The following NPC1L1 variants were observed in gnomAD, a reference collection of about 807,000 sequenced individuals.
NPC1L1 encodes the protein NPC1 like intracellular cholesterol transporter 1, also known as NPC1-like intracellular cholesterol transporter 1.
A neutral mutation model predicts 117.0 loss-of-function variants in NPC1L1; 98 were observed. The ratio of observed to expected loss-of-function variants is 0.84; its 90% CI spans 0.71 to 0.99. The LOEUF is 0.99. Ranked by LOEUF, NPC1L1 falls within the 50% of genes least tolerant of loss-of-function variation. The pLI, the probability that NPC1L1 is intolerant of heterozygous loss-of-function variation, is 0.00. For synonymous variants in NPC1L1, 729 were observed against 727.6 expected, an observed-to-expected ratio of 1.00 and a Z score of -0.03; for missense variants, 1,540 against 1,710.0, an observed-to-expected ratio of 0.90 and a Z score of 1.75.
rs901879052 is a variant in NPC1L1 at position 44,512,691 on chromosome 7, C to A, written c.*756G>T. The A allele has an allele frequency of 3.9e-5, 6 of 152,678 alleles. No homozygotes were observed. The highest frequency in any genetic ancestry group is 2.0e-4 in the Admixed American group (3 of 15,324). 9.5% of individuals were successfully genotyped at this position (152,678 alleles called of 1,614,324 possible). Reference sequence around the variant, plus strand: ...AGGCCCGAGGTGAAGATGGGAGGACCAGCCCAGCCCCAAGAGCTCCCAGCC... The same window carrying A: ...AGGCCCGAGGTGAAGATGGGAGGACAAGCCCAGCCCCAAGAGCTCCCAGCC... On this transcript the variant is annotated 3_prime_UTR_variant, in exon 19 of 19. Transcript: ENST00000381160.
Position 44,538,828 on chromosome 7 carries a change from C to A in NPC1L1, c.1569G>T (p.Leu523=). 2.5e-6 allele frequency: 4 copies of A among 1,614,174 alleles called. No individual in the cohort carries two copies. The highest frequency in any genetic ancestry group is 3.4e-6 in the Non-Finnish European group (4 of 1,180,030). ...CACCATGGACTCACTTGGCACAGTACAGAAAATGGTCCTTCCAGTCGACTT... is the reference window on the plus strand; with the variant it reads ...CACCATGGACTCACTTGGCACAGTAAAGAAAATGGTCCTTCCAGTCGACTT... The part of the protein sequence containing the change: ...TSQVDWKDHF[L]YCANAPLTFK... The change falls in exon 2 of 19, where the codon CTG becomes CTT. Residue 523 remains leucine, a synonymous_variant. Transcript: ENST00000381160. The surrounding 1 kb of genome is among the most constrained non-coding windows in gnomAD (Gnocchi z 5.9).
Position 44,515,808 on chromosome 7 carries a change from T to C in NPC1L1, c.3791A>G (p.Tyr1264Cys). Residue 1264 changes from tyrosine to cysteine, a missense_variant, in exon 18 of 19, where the codon TAC becomes TGC. Around this residue, in one of 3 missense-constraint regions of NPC1L1, gnomAD observed 742 missense variants for 873.6 expected, o/e 0.85. Transcript: ENST00000381160. ...GAACAGGCCTGGGCACTCACCCACG[T>C]AGCTGAGGATGACGGGCAGGAAGAC... ...GLVFLPVILS[Y>C]VGPDVNPALA... 5 of 1,614,116 alleles carry C rather than the reference T, an allele frequency of 3.1e-6. No homozygotes were observed. The highest frequency in any genetic ancestry group is 3.4e-6 in the Non-Finnish European group (4 of 1,180,014).
chr7:44,517,100 A>G, intron 15 of NPC1L1, 107 bp downstream of exon 15: 1 of 1,527,288 alleles, frequency 6.5e-7, no homozygotes, highest in East Asian at 2.2e-5. Flanking sequence ...CTCCTGACCT[A>G]AAACTGGTCC....
chr7:44,534,661 A>G lies in NPC1L1; in HGVS notation c.1984-32T>C, dbSNP rs1219042309. 6.2e-7 allele frequency: 1 copy of G among 1,611,414 alleles called. No individual in the cohort carries two copies. Among genetic ancestry groups the G allele is most frequent in the Non-Finnish European group, 8.5e-7 (1 of 1,179,028 alleles). The stretch of plus-strand genomic sequence containing the variant: ...TGCAAACAGGCTCAGCCCCCTAGCC[A>G]CTTAGCACCTACCCAGTATGCCCAC... On this transcript the variant is annotated intron_variant, in intron 5 of 18. Transcript: ENST00000381160. This position sits in a 1 kb window ranked among gnomAD's most constrained non-coding sequence, Gnocchi z 5.2.
intron 14 of NPC1L1, among the ~76,000 whole-genome samples, chr7:44,519,259 A>G (rs2117027106): frequency 6.6e-6 from 1 of 152,234 alleles, no homozygotes; most frequent in South Asian, 2.1e-4. Flanking sequence ...TCATTTTGGG[A>G]AGTGCTGCTC....
chr7:44,526,826 C>T (rs1405330611), intron 10 of NPC1L1, among the ~76,000 whole-genome samples: 1 of 151,834 alleles, frequency 6.6e-6, no homozygotes, highest in African/African-American at 2.4e-5. Flanking sequence ...GAGTTCATGA[C>T]CAGCCTGGCC....
chr7:44,536,541 GCTCCTTCTCCCCCACTCCTTC>G lies in NPC1L1; in HGVS notation c.1682-134_1682-114del. 8.6e-7 allele frequency: 1 copy of G among 1,162,848 alleles called. No individual in the cohort carries two copies. The highest frequency in any genetic ancestry group is 1.2e-6 in the Non-Finnish European group (1 of 810,552). 72.0% of individuals were successfully genotyped at this position (1,162,848 alleles called of 1,614,324 possible). On this transcript the variant is annotated intron_variant, in intron 3 of 18. Transcript: ENST00000381160. The surrounding 1 kb of genome is among the most constrained non-coding windows in gnomAD (Gnocchi z 4.7). ...AGCTGCACCCCTCCCATCACCCCTT[GCTCCTTCTCCCCCACTCCTTC>G]CTCATCTGATACATGGCCTTACCTC...
chr7:44,522,371 TCAGAGGAACACA>T (rs1801388700), intron 10 of NPC1L1, 129 bp from the exon 11 acceptor site: 8 of 875,590 alleles, frequency 9.1e-6, no homozygotes, highest in South Asian at 5.7e-5. Flanking sequence ...AGGTCCATGA[TCAGAGGAACACA>T]CAGAGGAACA....
intron 10 of NPC1L1, among the ~76,000 whole-genome samples, chr7:44,530,384 G>T (rs769739423): frequency 6.6e-6 from 1 of 152,084 alleles, no homozygotes; most frequent in Non-Finnish European, 1.5e-5. Flanking sequence ...GGGCTGAGGG[G>T]AGGGGAGAAT....
chr7:44,532,037 C>T, intron 9 of NPC1L1, 43 bp downstream of exon 9: 2 of 1,614,000 alleles, frequency 1.2e-6, no homozygotes, highest in African/African-American at 1.3e-5. Context: ...GGCGAGGTCC[C>T]CACCTAGTGC....
chr7:44,535,886 T>C lies in NPC1L1; in HGVS notation c.1937A>G (p.Tyr646Cys). 1 of 1,613,414 alleles carries C rather than the reference T, an allele frequency of 6.2e-7. No individual in the cohort carries two copies. Among genetic ancestry groups the C allele is most frequent in the African/African-American group, 1.3e-5 (1 of 74,980 alleles). The change falls in exon 5 of 19, where the codon TAC (tyrosine) becomes TGC (cysteine). Residue 646 changes from tyrosine (Y) to cysteine (C), a missense_variant. By Grantham distance (194) the Tyr-to-Cys change is radical (BLOSUM62 -2). Around this residue, in one of 3 missense-constraint regions of NPC1L1, gnomAD observed 742 missense variants for 873.6 expected, o/e 0.85. Transcript: ENST00000381160. Reference protein sequence around the residue: ...FATSYIVIFLYISLALGSYSS... With the variant: ...FATSYIVIFLCISLALGSYSS... Reference sequence around the variant, plus strand: ...ATAGCTGCCCAGGGCCAGAGAGATGTACAGGAATATGACAATGTAGCTGGT... The same window carrying C: ...ATAGCTGCCCAGGGCCAGAGAGATGCACAGGAATATGACAATGTAGCTGGT...
At chr7:44,533,273 T>C (rs987682852) in intron 8 of NPC1L1, 158 bp downstream of exon 8, 11 of 803,216 alleles carry the variant, frequency 1.4e-5, no homozygotes, top group Non-Finnish European at 2.2e-5. Context: ...CTGTAGGAAA[T>C]TGGAGAATAC....
chr7:44,520,195 G>A (rs1023912002), intron 14 of NPC1L1, among the ~76,000 whole-genome samples: 1 of 151,962 alleles, frequency 6.6e-6, no homozygotes, highest in Non-Finnish European at 1.5e-5. Context: ...CAGGAGAATC[G>A]CTTGAACCCG....
At chr7:44,527,360 G>T (rs1414802227) in intron 10 of NPC1L1, among the ~76,000 whole-genome samples, 1 of 151,370 alleles carries the variant, frequency 6.6e-6, no homozygotes. Flanking sequence ...GGGGGGCTGA[G>T]GCAGGAGAAT....
chr7:44,536,491 A>T lies in NPC1L1; in HGVS notation c.1682-63T>A. On this transcript the variant is annotated intron_variant, in intron 3 of 18. Coordinates refer to ENST00000381160, the MANE Select transcript of NPC1L1 (RefSeq NM_001101648.2). The surrounding 1 kb of genome is among the most constrained non-coding windows in gnomAD (Gnocchi z 4.7). ...CGTGCCTCCCTCCCCCTCCAGCTGC[A>T]CCCCTATATTCCCTCCCCCTATCTA... is the stretch of plus-strand genomic sequence containing the variant. 1.3e-6 allele frequency: 2 copies of T among 1,528,838 alleles called. No homozygotes were observed. Among genetic ancestry groups the T allele is most frequent in the Non-Finnish European group, 1.8e-6 (2 of 1,133,088 alleles). The allele number at this position is 1,528,838 out of a possible 1,614,324, so 94.7% of individuals were successfully genotyped here. A position where few individuals can be genotyped will look rare whatever the true frequency, so the allele number is the denominator to read the frequency against.
Position 44,534,753 on chromosome 7 carries a change from C to T in NPC1L1, c.1984-124G>A. ...CAGTGCCTGCAGGTGCCCGATACTG[C>T]CCCCAGTGGTGAGGAGCTCACATCT... On this transcript the variant is annotated intron_variant, in intron 5 of 18. Transcript: ENST00000381160. This position sits in a 1 kb window ranked among gnomAD's most constrained non-coding sequence, Gnocchi z 5.2. The T allele has an allele frequency of 2.2e-6, 2 of 923,622 alleles. No homozygotes were observed. Among genetic ancestry groups the T allele is most frequent in the African/African-American group, 1.7e-5 (1 of 60,506 alleles). The allele number at this position is 923,622 out of a possible 1,614,324, so 57.2% of individuals were successfully genotyped here.
At chr7:44,535,236 A>T (rs571807670) in intron 5 of NPC1L1, among the ~76,000 whole-genome samples, 1 of 152,126 alleles carries the variant, frequency 6.6e-6, no homozygotes, top group Non-Finnish European at 1.5e-5. Context: ...GTGGTGACAC[A>T]TGCCTGTAAT....
chr7:44,539,490 C>G lies in NPC1L1; in HGVS notation c.907G>C (p.Val303Leu), dbSNP rs1195821815. Residue 303 changes from valine to leucine, a missense_variant, in exon 2 of 19, where the codon GTG becomes CTG. Transcript: ENST00000381160. This position sits in a 1 kb window ranked among gnomAD's most constrained non-coding sequence, Gnocchi z 4.4. ...SVFAVVTILL[V>L]GFRVAPARDK... ...CTGGCGGGGGCCACACGGAATCCCA[C>G]AAGCAGGATGGTGACCACAGCGAAG... 4 of 1,613,674 alleles carry G rather than the reference C, an allele frequency of 2.5e-6. No homozygotes were observed. The highest frequency in any genetic ancestry group is 3.4e-6 in the Non-Finnish European group (4 of 1,179,822).
intron 10 of NPC1L1, among the ~76,000 whole-genome samples, chr7:44,530,899 C>T (rs1378400965): frequency 1.3e-5 from 2 of 152,202 alleles, no homozygotes; most frequent in East Asian, 1.9e-4. Context: ...CTACCCCAGC[C>T]GCACCCCACT....
Sources: gnomAD v4.1 joint callset for allele counts (sites outside exome capture counted in the v4.1 genomes callset) on GRCh38, gnomAD v4.1.1 for gene constraint, gnomAD v4.1.1 regional missense constraint, Gnocchi (gnomAD v3.1) non-coding constraint, MANE v1.5 for transcripts, NCBI Gene and HGNC (gene_info 2026-07-23, HGNC 2026-07-21) for gene names.